The following RPS6KC1 variants were observed in gnomAD, a reference collection of about 807,000 sequenced individuals.
RPS6KC1 encodes ribosomal protein S6 kinase C1, also known as inactive ribosomal protein S6 kinase delta-1.
RPS6KC1 carries 54 observed loss-of-function variants against 103.8 expected under a neutral mutation model. That is an observed-to-expected ratio of 0.52 (90% CI 0.42 to 0.65). RPS6KC1 has a LOEUF of 0.65. RPS6KC1 is among the 30% of genes least tolerant of loss of function. The probability of loss-of-function intolerance (pLI) is 0.00; values close to 1 mark genes in which losing one functional copy is unlikely to be tolerated. For missense variants in RPS6KC1, 1,151 were observed against 1,253.8 expected, an observed-to-expected ratio of 0.92 and a Z score of 1.24; for synonymous variants, 439 against 438.7, an observed-to-expected ratio of 1.00 and a Z score of -0.01.
At chr1:213,764,380 G>A in the RPS6KC1 span, among the ~76,000 whole-genome samples, 15 of 152,242 alleles carry the variant, frequency 9.9e-5, no homozygotes, top group East Asian at 2.7e-3. Flanking sequence ...CCTTCAGGGG[G>A]CCTCTTCCTC....
At chr1:213,620,522 T>C in the RPS6KC1 span, among the ~76,000 whole-genome samples, 1 of 152,182 alleles carries the variant, frequency 6.6e-6, no homozygotes, top group Non-Finnish European at 1.5e-5. Context: ...ACTAGCAAAT[T>C]TCACTTCTGC....
In RPS6KC1 at chr1:213,202,932, G is replaced by A. The variant is rs1045193683; in HGVS notation, c.1044+26440G>A. 3.9e-5 allele frequency among the ~76,000 whole-genome samples: 6 copies of A among 151,950 alleles called. No individual in the cohort carries two copies. The East Asian group carries it at 5.8e-4, about 15-fold the overall frequency. ...CTATGTACTGTGGTTTATTTAATTC[G>A]TTCTCTTTAGGTTGTTTTCCTCTTT... On this transcript the variant is annotated intron_variant, in intron 8 of 14. Coordinates refer to ENST00000366960, the MANE Select transcript of RPS6KC1 (RefSeq NM_012424.6).
the RPS6KC1 span, among the ~76,000 whole-genome samples, chr1:213,760,404 A>G: frequency 6.6e-6 from 1 of 152,204 alleles, no homozygotes; most frequent in African/African-American, 2.4e-5. Flanking sequence ...CCCTGCCCAG[A>G]GACATCCTCC....
intron 1 of RPS6KC1, among the ~76,000 whole-genome samples, chr1:213,069,436 A>G (rs990088118): frequency 2.0e-5 from 3 of 152,228 alleles, no homozygotes; most frequent in African/African-American, 7.2e-5. Flanking sequence ...CACAACAGCC[A>G]GGCCAGGCAG....
At chr1:213,591,515 G>A in the RPS6KC1 span, among the ~76,000 whole-genome samples, 1 of 152,138 alleles carries the variant, frequency 6.6e-6, no homozygotes, top group East Asian at 1.9e-4. Context: ...CCAAGTGGAG[G>A]GTTGTAACAA....
At chr1:213,116,374 A>G (rs984797161) in intron 4 of RPS6KC1, among the ~76,000 whole-genome samples, 8 of 124,430 alleles carry the variant, frequency 6.4e-5, no homozygotes, top group Admixed American at 1.7e-4. Flanking sequence ...TAGGATTGCA[A>G]CCCCTGCCTT....
At chr1:213,235,944 TTAGTGTGTAGG>T (rs2094210824) in intron 10 of RPS6KC1, among the ~76,000 whole-genome samples, 2 of 152,088 alleles carry the variant, frequency 1.3e-5, no homozygotes, top group African/African-American at 4.8e-5. Flanking sequence ...GGACAAGGTA[TTAGTGTGTAGG>T]TCAGGGGTCT....
downstream of RPS6KC1, among the ~76,000 whole-genome samples, chr1:213,278,606 C>A (rs1430517949): frequency 6.6e-6 from 1 of 152,206 alleles, no homozygotes; most frequent in Non-Finnish European, 1.5e-5. Flanking sequence ...TCTCTCAATT[C>A]TTCTTTCTCT....
the RPS6KC1 span, among the ~76,000 whole-genome samples, chr1:213,311,974 T>C: frequency 6.7e-6 from 1 of 149,466 alleles, no homozygotes. Flanking sequence ...CTTGGCTCAC[T>C]GCAACCTCCA....
intron 3 of RPS6KC1, among the ~76,000 whole-genome samples, chr1:213,099,567 G>A (rs1028065478): frequency 4.6e-5 from 7 of 152,212 alleles, no homozygotes; most frequent in Non-Finnish European, 7.4e-5. Context: ...CCCATTGTAT[G>A]TGTGACAAAC....
At chr1:213,307,454 A>G in the RPS6KC1 span, among the ~76,000 whole-genome samples, 6 of 152,180 alleles carry the variant, frequency 3.9e-5, no homozygotes, top group Non-Finnish European at 8.8e-5. Flanking sequence ...GTAAGGACGT[A>G]CCATCTCCCT....
At chr1:213,058,934 A>G (rs2077578028) in intron 1 of RPS6KC1, among the ~76,000 whole-genome samples, 1 of 152,184 alleles carries the variant, frequency 6.6e-6, no homozygotes. Context: ...CTCTTCTATC[A>G]GCATTTTGTG....
chr1:213,567,698 A>G, the RPS6KC1 span, among the ~76,000 whole-genome samples: 2 of 152,240 alleles, frequency 1.3e-5, no homozygotes, highest in African/African-American at 4.8e-5. Flanking sequence ...ACAACCCTAA[A>G]ATATATGAAT....
At position 213,216,349 on chromosome 1, in the gene RPS6KC1, A is replaced by T. The variant is rs549430075; in HGVS notation, c.1045-14148A>T. 2.0e-5 allele frequency among the ~76,000 whole-genome samples: 3 copies of T among 152,366 alleles called. No homozygotes were observed. In the South Asian group the frequency reaches 6.2e-4, roughly 32 times the overall value. The stretch of plus-strand genomic sequence containing the variant: ...TCTTAAATATATATGCACCCAATAC[A>T]GGAGCACCCAGATTCATAAAGCAAG... On this transcript the variant is annotated intron_variant, in intron 8 of 14. Coordinates refer to ENST00000366960, the MANE Select transcript of RPS6KC1 (RefSeq NM_012424.6).
At chr1:213,103,972 GC>G (rs1299531128) in intron 3 of RPS6KC1, among the ~76,000 whole-genome samples, 1 of 152,064 alleles carries the variant, frequency 6.6e-6, no homozygotes, top group Non-Finnish European at 1.5e-5. Flanking sequence ...TAGCATAAAA[GC>G]TTTTTGCTTC....
At chr1:213,248,153 A>G (rs549542659) in intron 12 of RPS6KC1, among the ~76,000 whole-genome samples, 21 of 152,286 alleles carry the variant, frequency 1.4e-4, no homozygotes, top group African/African-American at 4.3e-4. Flanking sequence ...GCAAATAAAT[A>G]TAGATGTATA....
the RPS6KC1 span, among the ~76,000 whole-genome samples, chr1:213,327,868 C>T: frequency 6.6e-6 from 1 of 152,126 alleles, no homozygotes; most frequent in Non-Finnish European, 1.5e-5. Flanking sequence ...CCAGATCGTT[C>T]CAAGTCTTGG....
intron 1 of RPS6KC1, among the ~76,000 whole-genome samples, chr1:213,063,180 A>G (rs2078001042): frequency 6.6e-6 from 1 of 152,230 alleles, no homozygotes; most frequent in Non-Finnish European, 1.5e-5. Flanking sequence ...GCTTTTCCAA[A>G]GTGGTTCTTC....
At chr1:213,642,783 A>G in the RPS6KC1 span, among the ~76,000 whole-genome samples, 1 of 151,962 alleles carries the variant, frequency 6.6e-6, no homozygotes, top group South Asian at 2.1e-4. Context: ...CAAGTTCACA[A>G]TCATATTCAT....
Sources: allele counts gnomAD v4.1 joint callset (sites outside exome capture counted in the v4.1 genomes callset), GRCh38; gene constraint gnomAD v4.1.1; transcripts MANE v1.5; gene names NCBI Gene and HGNC (gene_info 2026-07-23, HGNC 2026-07-21).